SLC2A11: variants seen among roughly 807,000 people sequenced by gnomAD.
SLC2A11 encodes the protein solute carrier family 2 member 11, also known as solute carrier family 2, facilitated glucose transporter member 11.
Under a neutral mutation model 52.1 loss-of-function variants are expected in SLC2A11, and 43 were observed. That is an observed-to-expected ratio of 0.82 (90% confidence interval 0.65 to 1.06). The LOEUF (loss-of-function observed/expected upper bound fraction) is 1.06, where lower values mean the gene tolerates loss of function less well. Ranked by LOEUF, SLC2A11 falls within the 50% of genes least tolerant of loss-of-function variation. The pLI, the probability that SLC2A11 is intolerant of heterozygous loss-of-function variation, is 0.00. For missense variants in SLC2A11, 582 were observed against 654.2 expected (o/e 0.89, Z 1.20); for synonymous variants, 261 against 277.6 (o/e 0.94, Z 0.59).
intron 3 of SLC2A11, 125 bp from the exon 4 acceptor site, chr22:23,874,992 C>A: frequency 8.9e-7 from 1 of 1,118,990 alleles, no homozygotes; most frequent in Non-Finnish European, 1.2e-6. Flanking sequence ...TAGTTAATGG[C>A]ATACTACATA....
At chr22:23,866,169 T>TAAAAA (rs944117407) in intron 2 of SLC2A11, 1 of 124,056 alleles carries the variant, frequency 8.1e-6, no homozygotes, top group Non-Finnish European at 1.8e-5. Flanking sequence ...ACACTATCTT[T>TAAAAA]AAAAAAAAAA....
intron 1 of SLC2A11, among the ~76,000 whole-genome samples, chr22:23,859,413 A>G (rs986680874): frequency 6.6e-5 from 10 of 152,114 alleles, no homozygotes; most frequent in African/African-American, 2.2e-4. Flanking sequence ...TATCTCACTG[A>G]ATGGTGAAAG....
At chr22:23,868,940 G>T (rs1342703581) in intron 3 of SLC2A11, 1 of 379,048 alleles carries the variant, frequency 2.6e-6, no homozygotes, top group African/African-American at 2.0e-5. Flanking sequence ...CTCTCCTCCT[G>T]CATATCTAAT....
At chr22:23,866,181 AAG>A (rs71722584) in intron 2 of SLC2A11, 33,410 of 148,414 alleles carry the variant, frequency 0.23, 3,948 homozygotes, top group South Asian at 0.27. Flanking sequence ...AAAAAAAAAA[AAG>A]AAAGAAAAAA....
chr22:23,877,608 G>C, intron 5 of SLC2A11, 113 bp from the exon 6 acceptor site: 1 of 1,346,422 alleles, frequency 7.4e-7, no homozygotes, highest in Non-Finnish European at 1.0e-6. Context: ...GATAGGAAGA[G>C]GCACGGGGCA....
intron 8 of SLC2A11, 155 bp downstream of exon 8, chr22:23,883,024 G>T: frequency 1.3e-6 from 1 of 742,814 alleles, no homozygotes; most frequent in Non-Finnish European, 2.4e-6. Flanking sequence ...ACTTTGGGAG[G>T]CCGAGGTGGG....
intron 7 of SLC2A11, 55 bp downstream of exon 7, chr22:23,882,701 C>T: frequency 6.2e-7 from 1 of 1,605,024 alleles, no homozygotes; most frequent in African/African-American, 1.3e-5. Context: ...GTGTTGCAGG[C>T]CGCTGGGAGC....
At chr22:23,865,049 G>A (rs2032207296) in intron 2 of SLC2A11, among the ~76,000 whole-genome samples, 1 of 145,330 alleles carries the variant, frequency 6.9e-6, no homozygotes, top group South Asian at 2.2e-4. Context: ...GGAAGTTGCA[G>A]TGAGCTGAGA....
intron 2 of SLC2A11, among the ~76,000 whole-genome samples, chr22:23,864,364 C>T (rs1438255746): frequency 2.0e-5 from 3 of 152,130 alleles, no homozygotes; most frequent in Non-Finnish European, 4.4e-5. Context: ...TCTTGTTGCC[C>T]AAGCTGGAGT....
At position 23,883,843 on chromosome 22, in the gene SLC2A11, G is replaced by C; in HGVS notation, c.1065G>C (p.Gly355=). ...IGGYSLMTCW[G]SIFTVALCLQ... ...GGTACAGCCTGATGACCTGCTGGGG[G>C]AGCATCTTCACTGTGGCCCTGTGCC... Residue 355 remains glycine, a synonymous_variant, in exon 9 of 12, where the codon GGG becomes GGC. Transcript: ENST00000316185. The C allele has an allele frequency of 6.9e-6, 11 of 1,590,328 alleles. No homozygotes were observed. Among genetic ancestry groups the C allele is most frequent in the Non-Finnish European group, 9.4e-6 (11 of 1,171,702 alleles).
rs774448108 is a variant in SLC2A11 at position 23,883,824 on chromosome 22, G to A, written c.1046G>A (p.Ser349Asn). Residue 349 changes from serine (S) to asparagine (N), a missense_variant, in exon 9 of 12, where the codon AGC becomes AAC. By Grantham distance (46) the Ser-to-Asn change is conservative (BLOSUM62 1). Coordinates refer to ENST00000316185, the MANE Select transcript of SLC2A11 (RefSeq NM_001024939.4). ...GRRVLLIGGY[S>N]LMTCWGSIFT... Reference sequence around the variant, plus strand: ...CGCGTGCTGCTCATCGGTGGGTACAGCCTGATGACCTGCTGGGGGAGCATC... The same window carrying A: ...CGCGTGCTGCTCATCGGTGGGTACAACCTGATGACCTGCTGGGGGAGCATC... The A allele has an allele frequency of 4.4e-6, 7 of 1,585,970 alleles. No individual in the cohort carries two copies. The highest frequency in any genetic ancestry group is 6.0e-6 in the Non-Finnish European group (7 of 1,169,826).
At position 23,884,219 on chromosome 22, in the gene SLC2A11, C is replaced by G; in HGVS notation, c.1172-83C>G. 1 of 1,528,806 alleles carries G rather than the reference C, an allele frequency of 6.5e-7. No homozygotes were observed. Among genetic ancestry groups the G allele is most frequent in the Non-Finnish European group, 8.8e-7 (1 of 1,138,112 alleles). 94.7% of individuals were successfully genotyped at this position (1,528,806 alleles called of 1,614,324 possible). On this transcript the variant is annotated intron_variant, in intron 10 of 11. Coordinates refer to ENST00000316185, the MANE Select transcript of SLC2A11 (RefSeq NM_001024939.4). This position sits in a 1 kb window ranked among gnomAD's most constrained non-coding sequence, Gnocchi z 4.3. Reference sequence around the variant, plus strand: ...CCCATACAGACTGGGCCTGGGCTCCCACTCCCATGTCTGGGCTGGGGTCGG... The same window carrying G: ...CCCATACAGACTGGGCCTGGGCTCCGACTCCCATGTCTGGGCTGGGGTCGG...
chr22:23,881,813 CAGAG>C (rs1164567621), intron 6 of SLC2A11: 5 of 119,502 alleles, frequency 4.2e-5, no homozygotes, highest in Admixed American at 8.7e-5. Context: ...GAGACAGAGG[CAGAG>C]AGAGAGAGAA....
chr22:23,877,216 A>G (rs779068562), intron 5 of SLC2A11, 45 bp downstream of exon 5: 2 of 1,577,798 alleles, frequency 1.3e-6, no homozygotes, highest in South Asian at 2.4e-5. Context: ...CGGAGATACC[A>G]GTAAAAGCGT....
intron 3 of SLC2A11, among the ~76,000 whole-genome samples, chr22:23,873,728 GTACT>G (rs2032531482): frequency 6.6e-6 from 1 of 152,164 alleles, no homozygotes; most frequent in Admixed American, 6.5e-5. Flanking sequence ...CTAGATTGAA[GTACT>G]TAATTATTAT....
intron 3 of SLC2A11, chr22:23,873,326 T>TGC (rs774406829): frequency 2.0e-3 from 271 of 135,094 alleles, no homozygotes; most frequent in Non-Finnish European, 3.2e-3. Context: ...TGTGTGTGTG[T>TGC]GTGCACGCGT....
At chr22:23,866,147 C>T (rs1270361132) in intron 2 of SLC2A11, 1 of 137,610 alleles carries the variant, frequency 7.3e-6, no homozygotes, top group Non-Finnish European at 1.6e-5. Context: ...CTAGCCTGGA[C>T]AACAGAGGGA....
intron 2 of SLC2A11, chr22:23,862,465 C>T (rs80062247): frequency 0.064 from 30,309 of 471,278 alleles, 1,193 homozygotes; most frequent in Middle Eastern, 0.11. Context: ...CTCTTCTCTT[C>T]ATCTCTTGGA....
rs1392447382 is a variant in SLC2A11, at chr22:23,883,720, G to C, written c.994-52G>C. ...AGACCCCTTCCCATTGCCTGCCCCA[G>C]ACCTCAGGGACCATGGCTGGGTGTG... is the stretch of plus-strand genomic sequence containing the variant. On this transcript the variant is annotated intron_variant, in intron 8 of 11. Coordinates refer to ENST00000316185, the MANE Select transcript of SLC2A11 (RefSeq NM_001024939.4). 9 of 1,428,394 alleles carry C rather than the reference G, an allele frequency of 6.3e-6. No homozygotes were observed. The Admixed American group carries it at 2.5e-4, about 39-fold the overall frequency. The allele number at this position is 1,428,394 out of a possible 1,614,324, so 88.5% of individuals were successfully genotyped here.
Sources: allele counts gnomAD v4.1 joint callset (sites outside exome capture counted in the v4.1 genomes callset), GRCh38; gene constraint gnomAD v4.1.1; non-coding constraint Gnocchi (gnomAD v3.1); transcripts MANE v1.5; gene names NCBI Gene and HGNC (gene_info 2026-07-23, HGNC 2026-07-21).